The following STAB2 variants were observed in gnomAD, a reference collection of about 807,000 sequenced individuals.
STAB2 encodes stabilin-2.
In STAB2, 288 loss-of-function variants were observed where a neutral mutation model predicts 338.1. The ratio of observed to expected loss-of-function variants is 0.85; its 90% confidence interval spans 0.77 to 0.94. The LOEUF (loss-of-function observed/expected upper bound fraction) is 0.94. STAB2 is among the 40% of genes least tolerant of loss of function. STAB2 has a pLI of 0.00. For missense variants in STAB2, 3,141 were observed against 3,210.1 expected, an observed-to-expected ratio of 0.98 and a Z score of 0.52; for synonymous variants, 1,202 against 1,193.3, an observed-to-expected ratio of 1.01 and a Z score of -0.15.
At chr12:103,608,751 A>G (rs1457658579) in intron 3 of STAB2, among the ~76,000 whole-genome samples, 1 of 152,180 alleles carries the variant, frequency 6.6e-6, no homozygotes, top group Non-Finnish European at 1.5e-5. Context: ...TTAGACATGA[A>G]GTACTTTCCC....
At chr12:103,658,619 A>G (rs1471267400) in intron 15 of STAB2, among the ~76,000 whole-genome samples, 3 of 152,186 alleles carry the variant, frequency 2.0e-5, no homozygotes, top group African/African-American at 7.2e-5. Flanking sequence ...TGAAACTGAG[A>G]CTCATGGGTT....
intron 9 of STAB2, among the ~76,000 whole-genome samples, chr12:103,644,419 A>G (rs1383779270): frequency 1.3e-5 from 2 of 150,078 alleles, no homozygotes; most frequent in African/African-American, 2.4e-5. Flanking sequence ...TCCTCTGCAT[A>G]GGAAAACCAG....
At position 103,733,084 on chromosome 12, in the gene STAB2, C is replaced by A. The variant is rs750093771; in HGVS notation, c.5362C>A (p.His1788Asn). 6.2e-7 allele frequency: 1 copy of A among 1,614,164 alleles called. No homozygotes were observed. Among genetic ancestry groups the A allele is most frequent in the Non-Finnish European group, 8.5e-7 (1 of 1,180,026 alleles). The change falls in exon 51 of 69, where the codon CAT becomes AAT. Residue 1788 changes from histidine to asparagine, a missense_variant. His to Asn is a moderately conservative substitution (Grantham distance 68, BLOSUM62 1). Transcript: ENST00000388887. The part of the protein sequence containing the change: ...TLFWPTDQAL[H>N]ALPAEQQDFL... The stretch of plus-strand genomic sequence containing the variant: ...CTTCTGGCCCACCGACCAAGCCCTC[C>A]ATGCCCTACCTGCTGAACAACAGGA...
intron 1 of STAB2, among the ~76,000 whole-genome samples, chr12:103,588,314 GA>G (rs1956743387): frequency 1.3e-5 from 2 of 152,210 alleles, no homozygotes; most frequent in African/African-American, 2.4e-5. Flanking sequence ...CTCCAGCTTT[GA>G]AATTTGGTAG....
chr12:103,734,820 A>G (rs997771506), intron 51 of STAB2, among the ~76,000 whole-genome samples: 1 of 152,010 alleles, frequency 6.6e-6, no homozygotes, highest in African/African-American at 2.4e-5. Flanking sequence ...GGAGTTTCTG[A>G]GGGAGAATTT....
At chr12:103,695,093 G>A (rs1878283927) in intron 31 of STAB2, among the ~76,000 whole-genome samples, 1 of 152,140 alleles carries the variant, frequency 6.6e-6, no homozygotes, top group Admixed American at 6.5e-5. Context: ...CAGGCCACTG[G>A]GTTGCAGTAG....
intron 3 of STAB2, among the ~76,000 whole-genome samples, chr12:103,611,049 G>C (rs1957114035): frequency 6.6e-6 from 1 of 152,206 alleles, no homozygotes; most frequent in South Asian, 2.1e-4. Flanking sequence ...TGTGGTCTGA[G>C]AGACAGTTTG....
rs138109986 is a variant in STAB2, at chr12:103,607,308, C to T, written c.331+12798C>T. Among the ~76,000 whole-genome samples, 1,421 of 152,056 alleles carry T rather than the reference C, an allele frequency of 9.3e-3. 9 individuals are homozygous for T. Among genetic ancestry groups the T allele is most frequent in the Non-Finnish European group, 0.011 (764 of 67,984 alleles). Reference sequence around the variant, plus strand: ...TATATTAAAATGTTTGAAGTTGTCCCACAACTCACTGATGGTCTGCTCATT... The same window carrying T: ...TATATTAAAATGTTTGAAGTTGTCCTACAACTCACTGATGGTCTGCTCATT... On this transcript the variant is annotated intron_variant, in intron 3 of 68. Transcript: ENST00000388887.
chr12:103,644,637 TG>T (rs1873204830), intron 9 of STAB2, among the ~76,000 whole-genome samples: 1 of 152,238 alleles, frequency 6.6e-6, no homozygotes, highest in Non-Finnish European at 1.5e-5. Flanking sequence ...ATAAGGTCCA[TG>T]TCTTACTCAT....
intron 67 of STAB2, among the ~76,000 whole-genome samples, chr12:103,762,964 GTCC>G (rs1884653996): frequency 6.6e-6 from 1 of 152,158 alleles, no homozygotes; most frequent in South Asian, 2.1e-4. Context: ...TATGGACTTT[GTCC>G]TCCTCTCTGG....
chr12:103,685,224 C>A, intron 27 of STAB2, 140 bp downstream of exon 27: 3 of 773,994 alleles, frequency 3.9e-6, no homozygotes, highest in Non-Finnish European at 6.0e-6. Context: ...TCACAGATGA[C>A]ATACATGCTC....
At chr12:103,731,457 A>C in intron 49 of STAB2, 119 bp from the exon 50 acceptor site, 2 of 939,960 alleles carry the variant, frequency 2.1e-6, no homozygotes, top group Non-Finnish European at 3.2e-6. Context: ...GGTGCTGATG[A>C]GCCCATCTAT....
rs374669815 is a variant in STAB2, at chr12:103,725,087, T to C, written c.4796T>C (p.Ile1599Thr). The C allele has an allele frequency of 6.2e-7, 1 of 1,612,670 alleles. No homozygotes were observed. Among genetic ancestry groups the C allele is most frequent in the Admixed American group, 1.7e-5 (1 of 60,002 alleles). Residue 1599 changes from isoleucine to threonine, a missense_variant, in exon 45 of 69, where the codon ATT becomes ACT. By Grantham distance (89) the Ile-to-Thr change is moderately conservative. Transcript: ENST00000388887. ...IGDGFTCRGSIYQELPKNPKT... is the reference protein window; with the variant it reads ...IGDGFTCRGSTYQELPKNPKT... The stretch of plus-strand genomic sequence containing the variant: ...GATGGATTTACCTGCCGCGGCAGCA[T>C]TTATCAGGTAACGCGAGACATGTTT...
intron 68 of STAB2, among the ~76,000 whole-genome samples, chr12:103,765,616 T>G (rs1391018867): frequency 6.6e-6 from 1 of 152,078 alleles, no homozygotes; most frequent in East Asian, 1.9e-4. Flanking sequence ...CAGGCTGGAG[T>G]GCAGCGGCAC....
Position 103,727,486 on chromosome 12 carries a change from G to C in STAB2, c.4935+136G>C, listed in dbSNP as rs930968368. The C allele has an allele frequency of 4.0e-6, 4 of 993,644 alleles. No homozygotes were observed. In the African/African-American group the frequency reaches 4.8e-5, roughly 12 times the overall value. 61.6% of individuals were successfully genotyped at this position (993,644 alleles called of 1,614,324 possible). ...AGGTGGAACTCACCAGCAATAGAAG[G>C]GGCTGCCTCTTGGCACAGGGACCCC... On this transcript the variant is annotated intron_variant, in intron 47 of 68. Transcript: ENST00000388887.
At chr12:103,730,405 TAAG>T in intron 49 of STAB2, 149 bp downstream of exon 49, 1 of 950,060 alleles carries the variant, frequency 1.1e-6, no homozygotes, top group South Asian at 1.7e-5. Context: ...TTATTCTTAG[TAAG>T]AAATAAATAA....
At chr12:103,703,616 T>C (rs1023882998) in intron 35 of STAB2, among the ~76,000 whole-genome samples, 1 of 152,104 alleles carries the variant, frequency 6.6e-6, no homozygotes, top group Non-Finnish European at 1.5e-5. Context: ...AAATGTGCCA[T>C]ATCTAGGACA....
At chr12:103,703,316 A>C in intron 35 of STAB2, 40 bp downstream of exon 35, 3 of 1,595,526 alleles carry the variant, frequency 1.9e-6, no homozygotes, top group Non-Finnish European at 2.6e-6. Context: ...GAACTAATGA[A>C]TATTGGCTTT....
intron 54 of STAB2, among the ~76,000 whole-genome samples, chr12:103,740,158 C>T (rs1882469193): frequency 6.6e-6 from 1 of 152,204 alleles, no homozygotes; most frequent in South Asian, 2.1e-4. Context: ...ATAGTAAGTG[C>T]TCATTAAATG....
Sources: allele counts gnomAD v4.1 joint callset (sites outside exome capture counted in the v4.1 genomes callset), GRCh38; gene constraint gnomAD v4.1.1; transcripts MANE v1.5; gene names NCBI Gene and HGNC (gene_info 2026-07-23, HGNC 2026-07-21).